Variants in ANGEL2 observed in about 807,000 individuals in gnomAD.
ANGEL2 encodes the protein angel homolog 2, also known as RNA 2',3'-cyclic phosphatase ANGEL2.
Under a neutral mutation model 66.0 loss-of-function variants are expected in ANGEL2, and 41 were observed. The ratio of observed to expected loss-of-function variants is 0.62; its 90% CI spans 0.48 to 0.81. The LOEUF (loss-of-function observed/expected upper bound fraction) is 0.81. Ranked by LOEUF, ANGEL2 falls within the 30% of genes least tolerant of loss-of-function variation. The pLI, the probability that ANGEL2 is intolerant of heterozygous loss-of-function variation, is 0.00. For missense variants in ANGEL2, 561 were observed against 641.6 expected, an observed-to-expected ratio of 0.87 and a Z score of 1.36; for synonymous variants, 208 against 226.5, an observed-to-expected ratio of 0.92 and a Z score of 0.73.
chr1:213,008,164 C>T (rs1250408133), intron 3 of ANGEL2, 46 bp downstream of exon 3: 1 of 1,587,162 alleles, frequency 6.3e-7, no homozygotes, highest in South Asian at 1.1e-5. Context: ...GTGCCCGGCC[C>T]CAACTTTTTC....
At chr1:213,004,943 T>G in intron 5 of ANGEL2, 90 bp downstream of exon 5, 1 of 1,033,074 alleles carries the variant, frequency 9.7e-7, no homozygotes, top group South Asian at 2.0e-5. Flanking sequence ...TCATCCAAGG[T>G]TTTCAAATAG....
At chr1:213,015,256 G>C (rs2076611775) in intron 1 of ANGEL2, 5 of 1,091,298 alleles carry the variant, frequency 4.6e-6, no homozygotes, top group Non-Finnish European at 4.5e-6. Flanking sequence ...GCCGACGCTC[G>C]GTTCCCGGGA....
chr1:213,014,774 T>C (rs1361119181), intron 1 of ANGEL2, among the ~76,000 whole-genome samples: 1 of 152,210 alleles, frequency 6.6e-6, no homozygotes, highest in Non-Finnish European at 1.5e-5. Flanking sequence ...TTGAACTGAA[T>C]TACCATCAAG....
chr1:213,014,820 C>T (rs982020321), intron 1 of ANGEL2, among the ~76,000 whole-genome samples: 2 of 152,176 alleles, frequency 1.3e-5, no homozygotes, highest in African/African-American at 4.8e-5. Flanking sequence ...AAATCCCCAT[C>T]GCTTATGTAA....
Position 213,015,519 on chromosome 1 carries a change from G to GT in ANGEL2, c.59+93_59+94insA, listed in dbSNP as rs2076621641. The GT allele has an allele frequency of 1.6e-5, 6 of 375,918 alleles. 1 individual carries two copies. The South Asian group carries it at 1.7e-4, about 11-fold the overall frequency. The allele number at this position is 375,918 out of a possible 1,614,324, so 23.3% of individuals were successfully genotyped here. On this transcript the variant is annotated intron_variant, in intron 1 of 8. Coordinates refer to ENST00000366962, the MANE Select transcript of ANGEL2 (RefSeq NM_144567.5). ...TTCCTCTTCCTTCCACCCCTAGCCC[G>GT]CCCCGCCCCGCCCCGGGTTAGTCCC...
intron 8 of ANGEL2, among the ~76,000 whole-genome samples, chr1:212,996,640 A>AAAAAAAAAAAAT (rs56102625): frequency 1.5e-5 from 1 of 66,484 alleles, no homozygotes; most frequent in Admixed American, 2.9e-4. Flanking sequence ...AAAAAAAAAA[A>AAAAAAAAAAAAT]ATATATATAT....
chr1:213,007,099 GAAAA>G, intron 4 of ANGEL2, 26 bp downstream of exon 4: 27 of 1,385,960 alleles, frequency 1.9e-5, no homozygotes, highest in Admixed American at 3.8e-5. Context: ...TCTCAAAAAA[GAAAA>G]AAAAAAAAAA....
Position 213,013,136 on chromosome 1 carries a change from G to A in ANGEL2, c.342C>T (p.Asn114=), listed in dbSNP as rs138048743. Reference sequence around the variant, plus strand: ...TTGATGAAGGCTCATCTCCCTCAGCGTTCATGACGTAACTAGAGAGATGAA... The same window carrying A: ...TTGATGAAGGCTCATCTCCCTCAGCATTCATGACGTAACTAGAGAGATGAA... ...SLIHLSSYVM[N]AEGDEPSSKR... Residue 114 remains asparagine, a synonymous_variant, in exon 2 of 9, where the codon AAC becomes AAT. Transcript: ENST00000366962. 2.2e-4 allele frequency: 352 copies of A among 1,613,946 alleles called. No individual in the cohort carries two copies. The highest frequency in any genetic ancestry group is 2.6e-4 in the Non-Finnish European group (302 of 1,180,014).
In ANGEL2 at chr1:213,005,134, G is replaced by A; in HGVS notation, c.1033C>T (p.Pro345Ser). 1 of 1,614,090 alleles carries A rather than the reference G, an allele frequency of 6.2e-7. No homozygotes were observed. The highest frequency in any genetic ancestry group is 1.1e-5 in the South Asian group (1 of 91,078). Residue 345 changes from proline (P) to serine (S), a missense_variant, in exon 5 of 9, where the codon CCT (proline) becomes TCT (serine). Coordinates refer to ENST00000366962, the MANE Select transcript of ANGEL2 (RefSeq NM_144567.5). ...VAHQKDGSFC[P>S]IVMCGDFNSV... is the part of the protein sequence containing the mutation. ...TTAAAGTCACCACACATAACAATAG[G>A]GCAGAAGCTGCCATCTTTCTGGTGG...
At chr1:213,015,208 A>G in intron 1 of ANGEL2, 1 of 1,044,092 alleles carries the variant, frequency 9.6e-7, no homozygotes, top group Non-Finnish European at 1.2e-6. Context: ...CCAAGGGATC[A>G]GGCCCGCCGA....
At chr1:213,015,401 G>C in intron 1 of ANGEL2, 2 of 1,423,862 alleles carry the variant, frequency 1.4e-6, no homozygotes, top group Non-Finnish European at 1.8e-6. Context: ...CCCAGACCTC[G>C]TTGGCCCAGC....
intron 2 of ANGEL2, chr1:213,011,576 AGCC>A: frequency 1.7e-6 from 1 of 598,192 alleles, no homozygotes; most frequent in Non-Finnish European, 2.2e-6. Flanking sequence ...CCTACTATGA[AGCC>A]AACAGTGTGT....
rs999360875 is a variant in ANGEL2, at chr1:213,015,597, A to G, written c.59+16T>C. ...CCGCCCCTCTCTCCTCCCTCCGAGTACCCAGCCCTACTGACCGGCCTCTTC... is the reference window on the plus strand; with the variant it reads ...CCGCCCCTCTCTCCTCCCTCCGAGTGCCCAGCCCTACTGACCGGCCTCTTC... On this transcript the variant is annotated intron_variant, in intron 1 of 8. Transcript: ENST00000366962. 1 of 1,593,974 alleles carries G rather than the reference A, an allele frequency of 6.3e-7. No homozygotes were observed. Among genetic ancestry groups the G allele is most frequent in the African/African-American group, 1.4e-5 (1 of 71,766 alleles).
intron 1 of ANGEL2, 113 bp from the exon 2 acceptor site, chr1:213,013,531 G>T: frequency 9.9e-7 from 1 of 1,005,768 alleles, no homozygotes; most frequent in Non-Finnish European, 1.4e-6. Flanking sequence ...AAATCTGGCT[G>T]CTAAATCTGT....
In ANGEL2 at chr1:212,995,888, G is replaced by GA. The variant is rs527545743; in HGVS notation, c.1484-697dup. 5.6e-3 allele frequency among the ~76,000 whole-genome samples: 850 copies of GA among 152,158 alleles called. 11 individuals carry two copies. The highest frequency in any genetic ancestry group is 0.017 in the Middle Eastern group (5 of 294). ...CCAAAAAAATGGAAGAGAAAAAAAT[G>GA]AAAAAAATCAGAAAAGAATAAAACA... On this transcript the variant is annotated intron_variant, in intron 8 of 8. Transcript: ENST00000366962.
chr1:213,012,390 T>C (rs1468548501), intron 2 of ANGEL2, among the ~76,000 whole-genome samples: 4 of 152,156 alleles, frequency 2.6e-5, no homozygotes, highest in African/African-American at 9.6e-5. Context: ...TTTCAGGAGA[T>C]GGGGTTGTGA....
rs1465596271 is a variant in ANGEL2 at position 213,005,444 on chromosome 1, A to T, written c.723T>A (p.Cys241Ter). The stretch of plus-strand genomic sequence containing the variant: ...TCCTTCCTGTCCGCATCTTATATTC[A>T]CAGTGATAACCTACAAGAAACAAAT... ...RPSLESLGYH[C>*]EYKMRTGRKP... Residue 241 changes from cysteine (C) to a stop codon, truncating the protein, a stop_gained, in exon 5 of 9, where the codon TGT becomes TGA. Transcript: ENST00000366962. LOFTEE classifies it high-confidence loss of function. 1 of 1,595,762 alleles carries T rather than the reference A, an allele frequency of 6.3e-7. No individual in the cohort carries two copies. The highest frequency in any genetic ancestry group is 8.5e-7 in the Non-Finnish European group (1 of 1,171,514).
rs2076630703 is a variant in ANGEL2, at chr1:213,015,763, C to T, written c.-92G>A. 2 of 1,571,858 alleles carry T rather than the reference C, an allele frequency of 1.3e-6. No homozygotes were observed. Among genetic ancestry groups the T allele is most frequent in the Admixed American group, 1.7e-5 (1 of 59,180 alleles). On this transcript the variant is annotated 5_prime_UTR_variant, in exon 1 of 9. An upstream start codon of the reference 5' UTR is lost. Transcript: ENST00000366962. ...ACGGCCTAAAGTATCTAGGGAACCC[C>T]ATCACTCTTAAGTACCGACTCCAGT...
chr1:213,007,330 AC>A, intron 3 of ANGEL2, 132 bp from the exon 4 acceptor site: 1 of 701,420 alleles, frequency 1.4e-6, no homozygotes, highest in Non-Finnish European at 2.3e-6. Context: ...TAAAAGACTT[AC>A]CTGTTTTTCT....
Sources: gnomAD v4.1 joint callset for allele counts (sites outside exome capture counted in the v4.1 genomes callset) on GRCh38, gnomAD v4.1.1 for gene constraint, MANE v1.5 for transcripts, NCBI Gene and HGNC (gene_info 2026-07-23, HGNC 2026-07-21) for gene names.